The following AFG1L variants were observed in gnomAD, a reference collection of about 807,000 sequenced individuals.
The protein encoded by AFG1L is AFG1-like ATPase.
A neutral mutation model predicts 62.2 loss-of-function variants in AFG1L; 53 were observed. The observed-to-expected ratio is 0.85, with a 90% CI of 0.68 to 1.07. The LOEUF (loss-of-function observed/expected upper bound fraction) is 1.07, where lower values mean the gene tolerates loss of function less well. AFG1L is among the 50% of genes least tolerant of loss of function. The pLI is 0.00. For missense variants in AFG1L, 555 were observed against 590.5 expected (o/e 0.94, Z 0.62); for synonymous variants, 228 against 210.3 (o/e 1.08, Z -0.73).
intron 8 of AFG1L, among the ~76,000 whole-genome samples, chr6:108,473,838 C>CCACTATGCCCGTATA (rs1326289007): frequency 6.6e-6 from 1 of 152,064 alleles, no homozygotes; most frequent in Middle Eastern, 3.2e-3. Context: ...GGATTACAGG[C>CCACTATGCCCGTATA]GTGAGCCACT....
intron 2 of AFG1L, among the ~76,000 whole-genome samples, chr6:108,339,615 A>G (rs911893226): frequency 6.6e-6 from 1 of 151,726 alleles, no homozygotes; most frequent in Admixed American, 6.6e-5. Context: ...GTGTGCCACC[A>G]TGTCTGGCTA....
intron 2 of AFG1L, among the ~76,000 whole-genome samples, chr6:108,327,023 G>A (rs887472650): frequency 6.6e-6 from 1 of 151,998 alleles, no homozygotes; most frequent in African/African-American, 2.4e-5. Context: ...AGGGTGGAAG[G>A]ATAGCTTGAA....
intron 8 of AFG1L, among the ~76,000 whole-genome samples, chr6:108,461,727 G>A (rs1582621027): frequency 1.3e-5 from 2 of 152,270 alleles, no homozygotes; most frequent in East Asian, 3.9e-4. Context: ...CCAAATTGCT[G>A]GGATTACAGG....
chr6:108,517,598 G>C (rs937434203), intron 11 of AFG1L, among the ~76,000 whole-genome samples: 31 of 152,254 alleles, frequency 2.0e-4, no homozygotes, highest in African/African-American at 6.5e-4. Context: ...CATGGGCAAG[G>C]ACTTCATGTC....
chr6:108,305,895 TTTTG>T (rs527411023), intron 1 of AFG1L, among the ~76,000 whole-genome samples: 9 of 152,006 alleles, frequency 5.9e-5, no homozygotes, highest in Non-Finnish European at 8.8e-5. Context: ...AAAGATAGCT[TTTTG>T]TTTGTTTGTT....
intron 2 of AFG1L, among the ~76,000 whole-genome samples, chr6:108,328,521 A>G (rs1778145795): frequency 6.6e-6 from 1 of 151,546 alleles, no homozygotes; most frequent in African/African-American, 2.4e-5. Flanking sequence ...CAGCCTCCCC[A>G]GTAACTGGGA....
At chr6:108,312,961 G>A (rs985808295) in intron 1 of AFG1L, among the ~76,000 whole-genome samples, 21 of 152,280 alleles carry the variant, frequency 1.4e-4, no homozygotes, top group African/African-American at 4.8e-4. Flanking sequence ...TTAAGATGCA[G>A]CAGTCCAGGT....
chr6:108,298,379 C>T (rs138721054), intron 1 of AFG1L, among the ~76,000 whole-genome samples: 1 of 151,202 alleles, frequency 6.6e-6, no homozygotes, highest in African/African-American at 2.4e-5. Flanking sequence ...GATTTTCCTG[C>T]CTCAGCCTCC....
At chr6:108,372,485 A>G (rs1429449444) in intron 6 of AFG1L, among the ~76,000 whole-genome samples, 1 of 151,934 alleles carries the variant, frequency 6.6e-6, no homozygotes, top group Non-Finnish European at 1.5e-5. Context: ...ACGCACTACC[A>G]TGCCTGGTGA....
chr6:108,362,461 A>G (rs139064236), intron 5 of AFG1L, among the ~76,000 whole-genome samples: 26 of 152,350 alleles, frequency 1.7e-4, no homozygotes, highest in African/African-American at 6.3e-4. Flanking sequence ...AATGCTAAAT[A>G]TAATTCTAGC....
Position 108,295,212 on chromosome 6 carries a change from T to A in AFG1L, c.133T>A (p.Trp45Arg). Residue 45 changes from tryptophan (W) to arginine (R), a missense_variant, in exon 1 of 13, where the codon TGG becomes AGG. Trp to Arg is a moderately radical substitution (Grantham distance 101). Coordinates refer to ENST00000368977, the MANE Select transcript of AFG1L (RefSeq NM_145315.5). ...PLATAPGKPFWKAYTVQTSES... is the reference protein window; with the variant it reads ...PLATAPGKPFRKAYTVQTSES... Reference sequence around the variant, plus strand: ...GGCCACCGCCCCTGGGAAGCCCTTTTGGAAAGGTCAGTGACTGTGCCATGA... The same window carrying A: ...GGCCACCGCCCCTGGGAAGCCCTTTAGGAAAGGTCAGTGACTGTGCCATGA... The A allele has an allele frequency of 6.2e-7, 1 of 1,603,058 alleles. No homozygotes were observed. The highest frequency in any genetic ancestry group is 8.5e-7 in the Non-Finnish European group (1 of 1,179,598).
intron 6 of AFG1L, among the ~76,000 whole-genome samples, chr6:108,400,689 TTATA>T (rs796516789): frequency 4.0e-5 from 4 of 99,038 alleles, no homozygotes; most frequent in African/African-American, 1.4e-4. Context: ...TATTATATAA[TTATA>T]TATATATTAT....
chr6:108,332,475 A>T (rs1778311232), intron 2 of AFG1L, among the ~76,000 whole-genome samples: 1 of 152,220 alleles, frequency 6.6e-6, no homozygotes, highest in East Asian at 1.9e-4. Context: ...TTAGCATGGG[A>T]TCATTGGTTA....
At chr6:108,373,587 A>ATT (rs879277202) in intron 6 of AFG1L, among the ~76,000 whole-genome samples, 11 of 133,382 alleles carry the variant, frequency 8.2e-5, no homozygotes, top group Non-Finnish European at 1.1e-4. Context: ...TAGTTCTGAG[A>ATT]TTTTTTTTTT....
intron 2 of AFG1L, among the ~76,000 whole-genome samples, chr6:108,329,545 C>T (rs367718747): frequency 3.3e-5 from 5 of 152,112 alleles, no homozygotes; most frequent in East Asian, 1.9e-4. Context: ...GTGATCTGCC[C>T]GCCTTGGCCT....
intron 10 of AFG1L, among the ~76,000 whole-genome samples, chr6:108,485,030 G>A (rs1019488861): frequency 2.2e-4 from 34 of 152,142 alleles, no homozygotes; most frequent in African/African-American, 7.7e-4. Context: ...AATTGTGAAC[G>A]TTTCCATGAT....
Position 108,522,326 on chromosome 6 carries a change from C to T in AFG1L, c.1347C>T (p.Thr449=), listed in dbSNP as rs776358723. The change falls in exon 13 of 13, where the codon ACC becomes ACT. Residue 449 remains threonine, a synonymous_variant. Transcript: ENST00000368977. ...QDSAEGLSMF[T]GEEEIFAFQR... is the part of the protein sequence containing the mutation. ...CAGCAGAAGGACTCTCCATGTTTAC[C>T]GGAGAAGAGGAAATCTTTGCATTTC... The T allele has an allele frequency of 2.0e-5, 33 of 1,612,994 alleles. No homozygotes were observed. Among genetic ancestry groups the T allele is most frequent in the Middle Eastern group, 1.6e-4 (1 of 6,084 alleles).
intron 5 of AFG1L, among the ~76,000 whole-genome samples, chr6:108,364,878 A>G (rs1289983966): frequency 6.6e-6 from 1 of 151,698 alleles, no homozygotes; most frequent in Non-Finnish European, 1.5e-5. Context: ...AAAAAAAAAA[A>G]AAAAAAAAGT....
rs556577854 is a variant in AFG1L, at chr6:108,378,965, A to ATGC, written c.748+12647_748+12649dup. 3.8e-3 allele frequency among the ~76,000 whole-genome samples: 520 copies of ATGC among 138,252 alleles called. 4 individuals carry two copies. Among genetic ancestry groups the ATGC allele is most frequent in the African/African-American group, 0.014 (499 of 36,400 alleles). 90.7% of individuals were successfully genotyped at this position (138,252 alleles called of 152,430 possible). ...CTTTTGGCTTTGCTTGAACAGCCCT[A>ATGC]TGCTGCTGCTGCTGCTCTTCTCCTT... On this transcript the variant is annotated intron_variant, in intron 6 of 12. Transcript: ENST00000368977.
Sources: gnomAD v4.1 joint callset for allele counts (sites outside exome capture counted in the v4.1 genomes callset) on GRCh38, gnomAD v4.1.1 for gene constraint, MANE v1.5 for transcripts, NCBI Gene and HGNC (gene_info 2026-07-23, HGNC 2026-07-21) for gene names.